The following FHIT variants were observed in gnomAD, a reference collection of about 807,000 sequenced individuals.
FHIT encodes the protein bis(5'-adenosyl)-triphosphatase.
A neutral mutation model predicts 17.9 loss-of-function variants in FHIT; 19 were observed. That is an observed-to-expected ratio of 1.06 (90% CI 0.74 to 1.56). The LOEUF is 1.56. FHIT is among the 40% of genes most tolerant of loss of function. The pLI, the probability that FHIT is intolerant of heterozygous loss-of-function variation, is 0.00. For synonymous variants in FHIT, 81 were observed against 69.7 expected (o/e 1.16, Z -0.81); for missense variants, 248 against 189.2 (o/e 1.31, Z -1.82).
At chr3:60,155,161 G>A (rs188419655) in intron 5 of FHIT, among the ~76,000 whole-genome samples, 55 of 131,212 alleles carry the variant, frequency 4.2e-4, no homozygotes, top group African/African-American at 1.4e-3. Flanking sequence ...ACTACAGCCT[G>A]GGTGACAGAG....
At chr3:61,188,350 C>T (rs1200222968) in intron 2 of FHIT, among the ~76,000 whole-genome samples, 2 of 152,008 alleles carry the variant, frequency 1.3e-5, no homozygotes, top group African/African-American at 4.8e-5. Flanking sequence ...GATAAATTCC[C>T]GGACACATAC....
chr3:60,914,467 G>A (rs978075217), intron 3 of FHIT, among the ~76,000 whole-genome samples: 5 of 151,866 alleles, frequency 3.3e-5, no homozygotes, highest in African/African-American at 4.8e-5. Context: ...ATGGAAGGAC[G>A]GTTGTGCAGT....
chr3:60,530,181 C>T (rs2035723789), intron 5 of FHIT, among the ~76,000 whole-genome samples: 1 of 152,110 alleles, frequency 6.6e-6, no homozygotes, highest in Non-Finnish European at 1.5e-5. Flanking sequence ...GCAACAGGGA[C>T]CTAGTAACCC....
At chr3:59,915,209 G>A (rs1397941899) in intron 8 of FHIT, among the ~76,000 whole-genome samples, 1 of 152,160 alleles carries the variant, frequency 6.6e-6, no homozygotes, top group Non-Finnish European at 1.5e-5. Flanking sequence ...TCTGGTTGGA[G>A]CGAGAATTCA....
At chr3:60,708,876 T>A (rs2041443296) in intron 4 of FHIT, among the ~76,000 whole-genome samples, 1 of 152,200 alleles carries the variant, frequency 6.6e-6, no homozygotes, top group South Asian at 2.1e-4. Context: ...CAACTGTGAA[T>A]CTCCATGGGG....
At chr3:60,779,894 C>T (rs1441446880) in intron 4 of FHIT, among the ~76,000 whole-genome samples, 5 of 152,160 alleles carry the variant, frequency 3.3e-5, no homozygotes, top group African/African-American at 1.2e-4. Flanking sequence ...ATGAGGTCTA[C>T]GGAACTCCAA....
chr3:61,151,575 CT>C (rs58140463), intron 2 of FHIT, among the ~76,000 whole-genome samples: 12,514 of 128,850 alleles, frequency 0.097, 1,777 homozygotes, highest in African/African-American at 0.33. Flanking sequence ...CTTTTCTTTT[CT>C]TTTTTTTTTT....
At chr3:60,969,464 C>T (rs1481822414) in intron 3 of FHIT, among the ~76,000 whole-genome samples, 1 of 151,790 alleles carries the variant, frequency 6.6e-6, no homozygotes, top group Admixed American at 6.6e-5. Flanking sequence ...AGGCTTTCTT[C>T]TTTTCTAAGA....
chr3:60,921,638 C>T (rs1553768390), intron 3 of FHIT, among the ~76,000 whole-genome samples: 1 of 152,136 alleles, frequency 6.6e-6, no homozygotes, highest in Non-Finnish European at 1.5e-5. Context: ...AAAACATGAC[C>T]ACCATGAATT....
chr3:60,371,299 C>A (rs1261882585), intron 5 of FHIT, among the ~76,000 whole-genome samples: 1 of 152,110 alleles, frequency 6.6e-6, no homozygotes, highest in African/African-American at 2.4e-5. Context: ...ATTGGGATAT[C>A]CACCACCTTA....
At chr3:60,884,281 C>A (rs1386676424) in intron 3 of FHIT, among the ~76,000 whole-genome samples, 1 of 152,070 alleles carries the variant, frequency 6.6e-6, no homozygotes, top group East Asian at 1.9e-4. Context: ...TAAATTAGTA[C>A]AGCCATTATG....
chr3:59,779,833 A>G (rs2106874134), intron 8 of FHIT, among the ~76,000 whole-genome samples: 1 of 152,330 alleles, frequency 6.6e-6, no homozygotes, highest in Admixed American at 6.5e-5. Context: ...ACTGTTCGAT[A>G]AATACATGAG....
intron 8 of FHIT, among the ~76,000 whole-genome samples, chr3:59,889,691 T>C (rs968919195): frequency 2.0e-5 from 3 of 152,206 alleles, no homozygotes; most frequent in Non-Finnish European, 4.4e-5. Flanking sequence ...TGCTAATAAA[T>C]GGTTTCTTTT....
intron 8 of FHIT, among the ~76,000 whole-genome samples, chr3:59,802,089 C>T (rs1700017042): frequency 6.6e-6 from 1 of 152,162 alleles, no homozygotes; most frequent in Admixed American, 6.5e-5. Context: ...TGCCACATGG[C>T]AGGTGCCAGG....
intron 8 of FHIT, among the ~76,000 whole-genome samples, chr3:59,891,696 G>A (rs1230338099): frequency 6.6e-6 from 1 of 152,170 alleles, no homozygotes; most frequent in Non-Finnish European, 1.5e-5. Context: ...TCTTCGATGG[G>A]CATTCACATA....
intron 5 of FHIT, among the ~76,000 whole-genome samples, chr3:60,394,521 G>T (rs944234573): frequency 6.6e-6 from 1 of 152,162 alleles, no homozygotes; most frequent in East Asian, 1.9e-4. Flanking sequence ...GGGAAAGGAT[G>T]AAGCGGCAGT....
chr3:60,048,784 G>A (rs750066580), intron 5 of FHIT, among the ~76,000 whole-genome samples: 10 of 152,252 alleles, frequency 6.6e-5, no homozygotes, highest in East Asian at 1.9e-4. Flanking sequence ...CTTTTTCACC[G>A]TGATGCCCTC....
intron 5 of FHIT, 182 bp downstream of exon 5, chr3:60,536,678 C>A (rs1403513573): frequency 3.7e-6 from 2 of 539,814 alleles, no homozygotes; most frequent in African/African-American, 1.9e-5. Context: ...ACTGGTGCCA[C>A]CAACTGGATT....
At position 60,916,113 on chromosome 3, in the gene FHIT, G is replaced by C. The variant is rs139140852; in HGVS notation, c.-110-94102C>G. Among the ~76,000 whole-genome samples the C allele has an allele frequency of 1.3e-4, 20 of 152,234 alleles. No homozygotes were observed. In the South Asian group the frequency reaches 4.1e-3, roughly 32 times the overall value. ...TGTGATGGTCTAATTTTATTACAAA[G>C]ATTATAAAGTATAGATATTCCATAA... is the stretch of plus-strand genomic sequence containing the variant. On this transcript the variant is annotated intron_variant, in intron 3 of 9. Transcript: ENST00000492590.
Sources: allele counts gnomAD v4.1 joint callset (sites outside exome capture counted in the v4.1 genomes callset), GRCh38; gene constraint gnomAD v4.1.1; transcripts MANE v1.5; gene names NCBI Gene and HGNC (gene_info 2026-07-23, HGNC 2026-07-21).